Variants in ITIH5 observed in about 807,000 individuals in gnomAD.
The protein encoded by ITIH5 is inter-alpha-trypsin inhibitor heavy chain 5.
Under a neutral mutation model 77.5 loss-of-function variants are expected in ITIH5, and 65 were observed. The observed-to-expected ratio is 0.84, with a 90% CI of 0.69 to 1.03. ITIH5 has a LOEUF of 1.03. ITIH5 is among the 50% of genes least tolerant of loss of function. ITIH5 has a pLI of 0.00. For synonymous variants in ITIH5, 525 were observed against 494.3 expected (o/e 1.06, Z -0.82); for missense variants, 1,208 against 1,213.1 (o/e 1.00, Z 0.06).
intron 3 of ITIH5, 95 bp from the exon 4 acceptor site, chr10:7,640,950 T>C (rs950924459): frequency 7.0e-6 from 6 of 851,544 alleles, no homozygotes; most frequent in Non-Finnish European, 1.2e-5. Flanking sequence ...GAAATATTTT[T>C]ATTTGCCTTT....
intron 7 of ITIH5, among the ~76,000 whole-genome samples, chr10:7,590,751 T>A (rs1009672563): frequency 9.9e-5 from 15 of 152,176 alleles, no homozygotes; most frequent in African/African-American, 3.6e-4. Context: ...TAGGATAAAT[T>A]CCCATACGTG....
chr10:7,642,560 C>T (rs1564276347), intron 2 of ITIH5, among the ~76,000 whole-genome samples: 4 of 152,048 alleles, frequency 2.6e-5, no homozygotes, highest in African/African-American at 9.7e-5. Context: ...CTTAGAGAAA[C>T]GATACACCAG....
chr10:7,569,604 A>G, intron 12 of ITIH5, 64 bp downstream of exon 12: 1 of 1,016,750 alleles, frequency 9.8e-7, no homozygotes, highest in Non-Finnish European at 1.5e-6. Context: ...CATCTGAAGA[A>G]CAGAGGGGGA....
At position 7,559,641 on chromosome 10, in the gene ITIH5, G is replaced by A; in HGVS notation, c.*3442C>T. 1 of 296,360 alleles carries A rather than the reference G, an allele frequency of 3.4e-6. No homozygotes were observed. The highest frequency in any genetic ancestry group is 6.6e-6 in the Non-Finnish European group (1 of 152,420). 18.4% of individuals were successfully genotyped at this position (296,360 alleles called of 1,614,324 possible). ...ATGATTTGGTGTCTTAGTCAGCTTG[G>A]GCTGCCTTAACAAGAATACCACAGA... is the stretch of plus-strand genomic sequence containing the variant. On this transcript the variant is annotated 3_prime_UTR_variant, in exon 14 of 14. Transcript: ENST00000397146.
At chr10:7,633,051 T>C (rs1283789411) in intron 5 of ITIH5, among the ~76,000 whole-genome samples, 1 of 152,188 alleles carries the variant, frequency 6.6e-6, no homozygotes, top group Non-Finnish European at 1.5e-5. Context: ...CCAATGAGAA[T>C]ATACCTTCAG....
rs185404038 is a variant in ITIH5, at chr10:7,581,932, G to A, written c.1109-1868C>T. 6.3e-4 allele frequency among the ~76,000 whole-genome samples: 90 copies of A among 143,278 alleles called. No homozygotes were observed. In the East Asian group the frequency reaches 0.016, roughly 25 times the overall value. 94.0% of individuals were successfully genotyped at this position (143,278 alleles called of 152,430 possible). A position where few individuals can be genotyped will look rare whatever the true frequency, so the allele number is the denominator to read the frequency against. On this transcript the variant is annotated intron_variant, in intron 8 of 13. Coordinates refer to ENST00000397146, the MANE Select transcript of ITIH5 (RefSeq NM_030569.7). The stretch of plus-strand genomic sequence containing the variant: ...GCTCTTTCGCCCAAGGTGGAATGCA[G>A]TGGCGTGATCTTGGCTCACTGCAAC...
rs1256008618 is a variant in ITIH5 at position 7,616,004 on chromosome 10, A to G, written c.917T>C (p.Met306Thr). 1.2e-6 allele frequency: 2 copies of G among 1,610,832 alleles called. No individual in the cohort carries two copies. Among genetic ancestry groups the G allele is most frequent in the Non-Finnish European group, 1.7e-6 (2 of 1,177,026 alleles). The change falls in exon 7 of 14, where the codon ATG becomes ACG. Residue 306 changes from methionine (M) to threonine (T), a missense_variant. Transcript: ENST00000397146. ...VVFVLDSSAS[M>T]VGTKLRQTKD... ...CACCTGCCGGAGTTTGGTTCCCACC[A>G]TAGAAGCACTGCTGTCAAGCACGAA...
chr10:7,563,891 G>C (rs1832089096), intron 13 of ITIH5, among the ~76,000 whole-genome samples: 1 of 152,272 alleles, frequency 6.6e-6, no homozygotes, highest in South Asian at 2.1e-4. Flanking sequence ...GTGTCTGCAA[G>C]GGGAGCTCAT....
chr10:7,631,200 G>A (rs897314493), intron 5 of ITIH5, among the ~76,000 whole-genome samples: 5 of 152,158 alleles, frequency 3.3e-5, no homozygotes, highest in Non-Finnish European at 5.9e-5. Context: ...TCCATCGGCA[G>A]CTATTTGATT....
At chr10:7,609,639 C>T (rs947038966) in intron 7 of ITIH5, 14 of 362,444 alleles carry the variant, frequency 3.9e-5, no homozygotes, top group African/African-American at 2.8e-4. Context: ...AGATAAGAAA[C>T]ATGCTTGTTC....
At chr10:7,568,362 A>G (rs1221973236) in intron 12 of ITIH5, among the ~76,000 whole-genome samples, 1 of 152,186 alleles carries the variant, frequency 6.6e-6, no homozygotes, top group African/African-American at 2.4e-5. Flanking sequence ...AGAAGAGCCT[A>G]TGCTCTTCCA....
chr10:7,636,907 C>A (rs1197500781), intron 5 of ITIH5, among the ~76,000 whole-genome samples: 1 of 152,046 alleles, frequency 6.6e-6, no homozygotes, highest in Non-Finnish European at 1.5e-5. Flanking sequence ...CAAAATTAGC[C>A]GGGTGTGGTG....
At chr10:7,627,358 G>A (rs984720471) in intron 5 of ITIH5, among the ~76,000 whole-genome samples, 4 of 151,422 alleles carry the variant, frequency 2.6e-5, no homozygotes, top group Non-Finnish European at 4.4e-5. Flanking sequence ...AAATTAAACA[G>A]GTTCAATTCA....
chr10:7,604,727 T>A (rs1370488950), intron 7 of ITIH5, among the ~76,000 whole-genome samples: 1 of 152,200 alleles, frequency 6.6e-6, no homozygotes, highest in Non-Finnish European at 1.5e-5. Context: ...AACCAGTTCC[T>A]TTTCCATCTC....
At chr10:7,597,905 A>AT (rs57906694) in intron 7 of ITIH5, among the ~76,000 whole-genome samples, 16 of 150,106 alleles carry the variant, frequency 1.1e-4, no homozygotes, top group South Asian at 8.4e-4. Flanking sequence ...AAATAATCAG[A>AT]TTTTTTTTTT....
At chr10:7,613,336 C>T (rs1833292963) in intron 7 of ITIH5, among the ~76,000 whole-genome samples, 1 of 151,922 alleles carries the variant, frequency 6.6e-6, no homozygotes, top group African/African-American at 2.4e-5. Context: ...GGCTATGTGG[C>T]CTCTAAAACA....
intron 7 of ITIH5, among the ~76,000 whole-genome samples, chr10:7,592,057 G>A (rs750952678): frequency 3.3e-5 from 5 of 152,064 alleles, no homozygotes; most frequent in African/African-American, 4.8e-5. Context: ...TTTTAGTAGA[G>A]ACAGGGTCTC....
rs374101026 is a variant in ITIH5, at chr10:7,566,118, G to A, written c.2439C>T (p.Tyr813=). 3 of 1,613,828 alleles carry A rather than the reference G, an allele frequency of 1.9e-6. No homozygotes were observed. The highest frequency in any genetic ancestry group is 2.7e-5 in the African/African-American group (2 of 74,900). ...GTCGCTGGAAGGGCGCCGGCTTTTT[G>A]TAGAGGTGGATGAGGATGACAAAGG... ...SIAFVILIHL[Y]KKPAPFQRHH... is the part of the protein sequence containing the mutation. The change falls in exon 13 of 14, where the codon TAC becomes TAT. Residue 813 remains tyrosine (Y), a synonymous_variant. Transcript: ENST00000397146.
intron 2 of ITIH5, among the ~76,000 whole-genome samples, chr10:7,651,818 T>C (rs1211379019): frequency 6.6e-6 from 1 of 152,052 alleles, no homozygotes; most frequent in East Asian, 1.9e-4. Flanking sequence ...ACACACACTG[T>C]CCTCTGCACC....
Sources: gnomAD v4.1 joint callset for allele counts (sites outside exome capture counted in the v4.1 genomes callset) on GRCh38, gnomAD v4.1.1 for gene constraint, MANE v1.5 for transcripts, NCBI Gene and HGNC (gene_info 2026-07-23, HGNC 2026-07-21) for gene names.